The following ATAD5 variants were observed in gnomAD, a reference collection of about 807,000 sequenced individuals.
The protein encoded by ATAD5 is ATPase family AAA domain-containing protein 5.
ATAD5 carries 58 observed loss-of-function variants against 176.9 expected under a neutral mutation model. That is an observed-to-expected ratio of 0.33 (90% CI 0.27 to 0.41). ATAD5 has a LOEUF of 0.41. ATAD5 is among the 10% of genes least tolerant of loss of function. The probability of loss-of-function intolerance (pLI) is 1.00; values close to 1 mark genes in which losing one functional copy is unlikely to be tolerated. For synonymous variants in ATAD5, 640 were observed against 712.6 expected (o/e 0.90, Z 1.62); for missense variants, 1,789 against 2,094.1 (o/e 0.85, Z 2.84).
chr17:30,868,311 T>C (rs1327352144), intron 11 of ATAD5, 22 bp from the exon 12 acceptor site: 2 of 1,540,170 alleles, frequency 1.3e-6, no homozygotes, highest in Non-Finnish European at 1.7e-6. Context: ...TGAATTATTT[T>C]TATTATGTTT....
intron 18 of ATAD5, among the ~76,000 whole-genome samples, chr17:30,882,117 G>A (rs1042305989): frequency 3.9e-5 from 6 of 151,988 alleles, no homozygotes; most frequent in African/African-American, 9.7e-5. Flanking sequence ...TTAGCTGGGC[G>A]TGGTGGTGCA....
intron 6 of ATAD5, among the ~76,000 whole-genome samples, chr17:30,847,716 CAT>C (rs779389861): frequency 0.088 from 12,156 of 138,292 alleles, 510 homozygotes; most frequent in South Asian, 0.22. Context: ...CTGCTATGAA[CAT>C]TTTTTTTTTT....
intron 18 of ATAD5, among the ~76,000 whole-genome samples, chr17:30,880,338 G>C (rs1908939344): frequency 6.6e-6 from 1 of 152,110 alleles, no homozygotes; most frequent in South Asian, 2.1e-4. Context: ...GCCGGGCGTA[G>C]TGGCTCACGC....
At chr17:30,832,893 G>A (rs1402070347) in intron 1 of ATAD5, among the ~76,000 whole-genome samples, 1 of 152,144 alleles carries the variant, frequency 6.6e-6, no homozygotes, top group Non-Finnish European at 1.5e-5. Context: ...AGTTTCTCAT[G>A]GCTTAGTATC....
intron 3 of ATAD5, among the ~76,000 whole-genome samples, chr17:30,837,827 A>G (rs969339362): frequency 4.6e-5 from 7 of 152,134 alleles, no homozygotes; most frequent in African/African-American, 1.4e-4. Context: ...TCCTAATACC[A>G]TTACATAGTG....
Position 30,843,894 on chromosome 17 carries a change from T to A in ATAD5, c.2242-19T>A. The A allele has an allele frequency of 8.0e-7, 1 of 1,248,162 alleles. No individual in the cohort carries two copies. The allele number at this position is 1,248,162 out of a possible 1,614,324, so 77.3% of individuals were successfully genotyped here. A position where few individuals can be genotyped will look rare whatever the true frequency, so the allele number is the denominator to read the frequency against. On this transcript the variant is annotated intron_variant, in intron 4 of 22. Transcript: ENST00000321990. ...AATTATATGATTTAATTAAAATTTA[T>A]TCTCTTATTTTGTCTTAGGATTCTG...
intron 19 of ATAD5, among the ~76,000 whole-genome samples, chr17:30,887,764 T>A (rs1309792696): frequency 6.6e-6 from 1 of 152,118 alleles, no homozygotes; most frequent in Non-Finnish European, 1.5e-5. Flanking sequence ...TGCAGTGAGC[T>A]ATGATTATGC....
At chr17:30,853,982 A>G (rs1360200966) in intron 6 of ATAD5, among the ~76,000 whole-genome samples, 1 of 151,928 alleles carries the variant, frequency 6.6e-6, no homozygotes. Flanking sequence ...TACCACCCAA[A>G]GATAGCCCCT....
chr17:30,876,676 A>T, intron 15 of ATAD5, 126 bp downstream of exon 15: 1 of 410,946 alleles, frequency 2.4e-6, no homozygotes, highest in Non-Finnish European at 4.2e-6. Flanking sequence ...AAGGTTCTAC[A>T]TGTAGAAGTG....
chr17:30,835,332 T>C lies in ATAD5; in HGVS notation c.1251T>C (p.Asn417=). The change falls in exon 2 of 23, where the codon AAT becomes AAC. Residue 417 remains asparagine, a synonymous_variant. Coordinates refer to ENST00000321990, the MANE Select transcript of ATAD5 (RefSeq NM_024857.5). Reference sequence around the variant, plus strand: ...AGCCAGCATCAGATGCACTTAAAAATGGAGTTAAAAAGTCTTCTGATAAGC... The same window carrying C: ...AGCCAGCATCAGATGCACTTAAAAACGGAGTTAAAAAGTCTTCTGATAAGC... The part of the protein sequence containing the change: ...FRQPASDALK[N]GVKKSSDKQK... 1 of 1,613,870 alleles carries C rather than the reference T, an allele frequency of 6.2e-7. No homozygotes were observed. Among genetic ancestry groups the C allele is most frequent in the Non-Finnish European group, 8.5e-7 (1 of 1,179,938 alleles).
chr17:30,846,671 G>T (rs1235787861), intron 6 of ATAD5, among the ~76,000 whole-genome samples: 2 of 151,480 alleles, frequency 1.3e-5, no homozygotes, highest in Non-Finnish European at 2.9e-5. Context: ...AAAGTGCTGG[G>T]ATTATAGGCG....
At chr17:30,855,880 AG>A (rs1310666837) in intron 7 of ATAD5, among the ~76,000 whole-genome samples, 1 of 151,502 alleles carries the variant, frequency 6.6e-6, no homozygotes, top group Non-Finnish European at 1.5e-5. Flanking sequence ...AAAAAAAAAA[AG>A]TTTAGCCTTT....
chr17:30,873,079 G>A (rs1335585572), intron 14 of ATAD5, among the ~76,000 whole-genome samples: 1 of 152,108 alleles, frequency 6.6e-6, no homozygotes, highest in Non-Finnish European at 1.5e-5. Flanking sequence ...TATGATGGGA[G>A]GATAAATCCA....
chr17:30,876,636 G>C (rs899906324), intron 15 of ATAD5, 86 bp downstream of exon 15: 49 of 656,512 alleles, frequency 7.5e-5, no homozygotes, highest in Non-Finnish European at 1.1e-4. Context: ...ACGAGTTCCT[G>C]TTGCTATTTA....
intron 18 of ATAD5, among the ~76,000 whole-genome samples, chr17:30,883,124 AT>A (rs869117449): frequency 0.099 from 13,547 of 137,210 alleles, 1,656 homozygotes; most frequent in African/African-American, 0.32. Context: ...TAAACACCAG[AT>A]TTTTTTTTTT....
At chr17:30,848,221 A>G (rs1906655951) in intron 6 of ATAD5, among the ~76,000 whole-genome samples, 1 of 151,060 alleles carries the variant, frequency 6.6e-6, no homozygotes, top group South Asian at 2.1e-4. Context: ...GTAGCTGCCT[A>G]TCTTTGATAA....
intron 11 of ATAD5, 79 bp from the exon 12 acceptor site, chr17:30,868,254 C>G: frequency 8.3e-7 from 1 of 1,199,102 alleles, no homozygotes; most frequent in Non-Finnish European, 1.1e-6. Context: ...CCATAACTTC[C>G]CCCGATAATC....
At chr17:30,850,806 G>T (rs150569069) in intron 6 of ATAD5, among the ~76,000 whole-genome samples, 2,017 of 99,936 alleles carry the variant, frequency 0.02, 31 homozygotes, top group Middle Eastern at 0.091. Flanking sequence ...TTATTTTAAA[G>T]AAATTATTAT....
At chr17:30,884,904 C>T (rs1016910138) in intron 18 of ATAD5, among the ~76,000 whole-genome samples, 7 of 151,822 alleles carry the variant, frequency 4.6e-5, no homozygotes, top group Non-Finnish European at 7.4e-5. Flanking sequence ...CCCACCACCA[C>T]GCCTGGCTAA....
Sources: gnomAD v4.1 joint callset for allele counts (sites outside exome capture counted in the v4.1 genomes callset) on GRCh38, gnomAD v4.1.1 for gene constraint, MANE v1.5 for transcripts, NCBI Gene and HGNC (gene_info 2026-07-23, HGNC 2026-07-21) for gene names.